Variants in LARGE1 observed in about 807,000 individuals in gnomAD.
LARGE1 encodes LARGE xylosyl- and glucuronyltransferase 1.
Under a neutral mutation model 87.6 loss-of-function variants are expected in LARGE1, and 43 were observed. The ratio of observed to expected loss-of-function variants is 0.49; its 90% CI spans 0.38 to 0.63. The LOEUF is 0.63. Among genes scored for constraint, LARGE1 ranks in the 30% least tolerant of loss-of-function variants. The pLI, the probability that LARGE1 is intolerant of heterozygous loss-of-function variation, is 0.00. For missense variants in LARGE1, 802 were observed against 1,000.2 expected, an observed-to-expected ratio of 0.80 and a Z score of 2.67; for synonymous variants, 434 against 394.6, an observed-to-expected ratio of 1.10 and a Z score of -1.18.
the LARGE1 span, among the ~76,000 whole-genome samples, chr22:33,099,633 T>C: frequency 2.6e-5 from 4 of 152,192 alleles, no homozygotes; most frequent in Non-Finnish European, 4.4e-5. Flanking sequence ...GCTGAGGGCA[T>C]CCTGAAGGTT....
At chr22:33,658,828 G>A (rs1370854998) in intron 2 of LARGE1, among the ~76,000 whole-genome samples, 1 of 152,172 alleles carries the variant, frequency 6.6e-6, no homozygotes, top group African/African-American at 2.4e-5. Flanking sequence ...ACTCCCATGG[G>A]ATTCTCATGT....
chr22:33,348,276 AC>A (rs1300424882), intron 9 of LARGE1, among the ~76,000 whole-genome samples: 4 of 89,020 alleles, frequency 4.5e-5, no homozygotes, highest in African/African-American at 4.3e-5. Context: ...CCGCTCCCCC[AC>A]CCACCCCCCC....
At chr22:33,639,966 C>T (rs2080379184) in intron 3 of LARGE1, among the ~76,000 whole-genome samples, 1 of 152,218 alleles carries the variant, frequency 6.6e-6, no homozygotes, top group Admixed American at 6.5e-5. Flanking sequence ...CACCAGATAG[C>T]TCAGCTGACA....
At chr22:33,510,416 T>C (rs2071000435) in intron 6 of LARGE1, among the ~76,000 whole-genome samples, 1 of 152,234 alleles carries the variant, frequency 6.6e-6, no homozygotes, top group South Asian at 2.1e-4. Context: ...GTCTCCGTGC[T>C]AGTAAAAAGT....
chr22:33,652,716 G>A (rs1276693701), intron 2 of LARGE1, among the ~76,000 whole-genome samples: 1 of 152,140 alleles, frequency 6.6e-6, no homozygotes, highest in Non-Finnish European at 1.5e-5. Flanking sequence ...ACAAACTTGA[G>A]GATCAAAGAA....
intron 11 of LARGE1, among the ~76,000 whole-genome samples, chr22:33,243,977 A>G (rs1926637015): frequency 6.6e-6 from 1 of 152,004 alleles, no homozygotes; most frequent in South Asian, 2.1e-4. Context: ...GTGGTGGTTT[A>G]CAGTTTTTTG....
chr22:33,689,145 GTCTCTCTCTCTC>G (rs3072287), intron 2 of LARGE1, among the ~76,000 whole-genome samples: 1 of 147,510 alleles, frequency 6.8e-6, no homozygotes, highest in South Asian at 2.2e-4. Flanking sequence ...CAAATTTACT[GTCTCTCTCTCTC>G]TCTCTCTCTC....
At chr22:33,269,289 A>G (rs547249221), downstream of LARGE1, among the ~76,000 whole-genome samples, 1 of 152,354 alleles carries the variant, frequency 6.6e-6, no homozygotes, top group Non-Finnish European at 1.5e-5. Flanking sequence ...TCAAAAATAA[A>G]TGAAACTAAA....
At chr22:33,784,428 T>C (rs1272685251) in intron 1 of LARGE1, among the ~76,000 whole-genome samples, 2 of 152,194 alleles carry the variant, frequency 1.3e-5, no homozygotes, top group African/African-American at 4.8e-5. Context: ...CCAGAATGTC[T>C]ATTTGTCACC....
chr22:33,149,983 A>G, the LARGE1 span, among the ~76,000 whole-genome samples: 1 of 152,216 alleles, frequency 6.6e-6, no homozygotes, highest in African/African-American at 2.4e-5. Flanking sequence ...CTCTGCTTTA[A>G]GGTCTCATGT....
intron 11 of LARGE1, among the ~76,000 whole-genome samples, chr22:33,239,758 C>T (rs1392725519): frequency 1.3e-5 from 2 of 151,714 alleles, no homozygotes; most frequent in African/African-American, 4.8e-5. Context: ...AGGTTGGTCT[C>T]GAACTCCTGA....
chr22:33,453,567 T>C (rs1177245502), intron 6 of LARGE1, among the ~76,000 whole-genome samples: 1 of 152,176 alleles, frequency 6.6e-6, no homozygotes, highest in East Asian at 1.9e-4. Context: ...GTCAGTGAGA[T>C]AATGGTTCAC....
chr22:33,821,488 C>A (rs1289017195), intron 1 of LARGE1, among the ~76,000 whole-genome samples: 1 of 152,166 alleles, frequency 6.6e-6, no homozygotes, highest in Non-Finnish European at 1.5e-5. Context: ...TAAACCACGT[C>A]TGACAAATGT....
At chr22:33,547,013 TAGA>T (rs1448108478) in intron 6 of LARGE1, among the ~76,000 whole-genome samples, 1 of 152,058 alleles carries the variant, frequency 6.6e-6, no homozygotes, top group East Asian at 1.9e-4. Context: ...ACTTGCCAGT[TAGA>T]AGATTTTAGT....
intron 11 of LARGE1, among the ~76,000 whole-genome samples, chr22:33,228,844 G>T (rs952209318): frequency 6.6e-6 from 1 of 152,022 alleles, no homozygotes; most frequent in Non-Finnish European, 1.5e-5. Flanking sequence ...GGAGGTGAGA[G>T]GGTGGAGAGA....
the LARGE1 span, among the ~76,000 whole-genome samples, chr22:33,084,875 T>C: frequency 3.3e-5 from 5 of 152,152 alleles, no homozygotes; most frequent in African/African-American, 1.2e-4. Context: ...AACAACATCC[T>C]CAAAATCTAG....
At chr22:33,103,357 C>T in the LARGE1 span, among the ~76,000 whole-genome samples, 3 of 133,856 alleles carry the variant, frequency 2.2e-5, no homozygotes, top group African/African-American at 8.5e-5. Context: ...GGCATGAACC[C>T]GGTAGGCAGA....
chr22:33,318,963 T>C (rs1179531647), intron 10 of LARGE1, among the ~76,000 whole-genome samples: 1 of 152,160 alleles, frequency 6.6e-6, no homozygotes, highest in African/African-American at 2.4e-5. Context: ...GAAAATATAT[T>C]AACTTGCTTC....
intron 11 of LARGE1, among the ~76,000 whole-genome samples, chr22:33,177,011 C>T (rs1922909201): frequency 6.6e-6 from 1 of 152,166 alleles, no homozygotes; most frequent in African/African-American, 2.4e-5. Context: ...TTTGCAGGAA[C>T]ATGGATGAAG....
Sources: allele counts gnomAD v4.1 joint callset (sites outside exome capture counted in the v4.1 genomes callset), GRCh38; gene constraint gnomAD v4.1.1; transcripts MANE v1.5; gene names NCBI Gene and HGNC (gene_info 2026-07-23, HGNC 2026-07-21).